Variants in ANKRD45 observed in about 807,000 individuals in gnomAD.
The protein encoded by ANKRD45 is ankyrin repeat domain 45.
A neutral mutation model predicts 28.1 loss-of-function variants in ANKRD45; 21 were observed. The observed-to-expected ratio is 0.75, with a 90% CI of 0.53 to 1.08. The LOEUF (loss-of-function observed/expected upper bound fraction) is 1.08. ANKRD45 is among the 50% of genes least tolerant of loss of function. The probability of loss-of-function intolerance (pLI) is 0.00; values close to 1 mark genes in which losing one functional copy is unlikely to be tolerated. For missense variants in ANKRD45, 261 were observed against 308.7 expected (o/e 0.85, Z 1.16); for synonymous variants, 86 against 103.9 (o/e 0.83, Z 1.05).
the ANKRD45 span, among the ~76,000 whole-genome samples, chr1:173,710,043 C>T: frequency 5.3e-5 from 8 of 152,224 alleles, no homozygotes; most frequent in African/African-American, 1.4e-4. Context: ...AATAAAAATT[C>T]GCTGGGTGTG....
At chr1:173,651,161 C>A (rs556205728) in intron 2 of ANKRD45, among the ~76,000 whole-genome samples, 12 of 152,218 alleles carry the variant, frequency 7.9e-5, no homozygotes, top group African/African-American at 2.9e-4. Context: ...TCATGAAGTC[C>A]TTGCCCATGC....
the ANKRD45 span, among the ~76,000 whole-genome samples, chr1:173,701,712 T>C: frequency 5.9e-5 from 9 of 152,110 alleles, no homozygotes; most frequent in African/African-American, 2.2e-4. Flanking sequence ...GAGAAATACC[T>C]AATGTAAATG....
intron 5 of ANKRD45, among the ~76,000 whole-genome samples, chr1:173,615,911 G>A (rs940714432): frequency 1.3e-5 from 2 of 152,054 alleles, no homozygotes; most frequent in African/African-American, 4.8e-5. Flanking sequence ...AGACCATCCT[G>A]GCTAACATGG....
Position 173,627,307 on chromosome 1 carries a change from C to T in ANKRD45, c.497-148G>A, listed in dbSNP as rs193239661. The T allele has an allele frequency of 2.8e-5, 17 of 614,248 alleles. No homozygotes were observed. In the Admixed American group the frequency reaches 4.7e-4, roughly 17 times the overall value. The allele number at this position is 614,248 out of a possible 1,614,324, so 38.0% of individuals were successfully genotyped here. On this transcript the variant is annotated intron_variant, in intron 3 of 5. Coordinates refer to ENST00000333279, the MANE Select transcript of ANKRD45 (RefSeq NM_198493.3). ...ATACAAAAAAGCACCAACATGAGAACCAAAAATCAGGTAAGCAATCACAGT... is the reference window on the plus strand; with the variant it reads ...ATACAAAAAAGCACCAACATGAGAATCAAAAATCAGGTAAGCAATCACAGT...
chr1:173,697,019 T>C, the ANKRD45 span, among the ~76,000 whole-genome samples: 1 of 152,274 alleles, frequency 6.6e-6, no homozygotes, highest in African/African-American at 2.4e-5. Flanking sequence ...ATGTGATGCA[T>C]GCATAAGCTT....
chr1:173,669,634 T>C (rs1670176541), intron 1 of ANKRD45, among the ~76,000 whole-genome samples, 183 bp downstream of exon 1: 1 of 152,176 alleles, frequency 6.6e-6, no homozygotes, highest in Admixed American at 6.5e-5. Context: ...CCCTTGCGGC[T>C]GCCGGCGGGG....
At chr1:173,656,590 A>T (rs1669526012) in intron 2 of ANKRD45, among the ~76,000 whole-genome samples, 1 of 152,204 alleles carries the variant, frequency 6.6e-6, no homozygotes, top group South Asian at 2.1e-4. Context: ...CGACATGGCC[A>T]GTTTCAACAG....
intron 3 of ANKRD45, among the ~76,000 whole-genome samples, chr1:173,633,008 G>T (rs924487394): frequency 6.6e-6 from 1 of 151,866 alleles, no homozygotes; most frequent in African/African-American, 2.4e-5. Flanking sequence ...AGAGCAATCA[G>T]AGAAGAAAAT....
At chr1:173,689,375 G>GT in the ANKRD45 span, among the ~76,000 whole-genome samples, 1 of 152,158 alleles carries the variant, frequency 6.6e-6, no homozygotes, top group African/African-American at 2.4e-5. Context: ...ACGTACCTGG[G>GT]TTTGGAGCCA....
rs150591784 is a variant in ANKRD45, at chr1:173,629,415, A to T, written c.497-2256T>A. Among the ~76,000 whole-genome samples the T allele has an allele frequency of 3.3e-3, 505 of 152,316 alleles. 3 individuals are homozygous for T. Among genetic ancestry groups the T allele is most frequent in the Middle Eastern group, 0.01 (3 of 294 alleles). ...CAAAGAAATTCAAGATAACACAGAG[A>T]AAGAATTCAGAATCCTATCAGATAA... On this transcript the variant is annotated intron_variant, in intron 3 of 5. Transcript: ENST00000333279.
At chr1:173,669,644 G>A (rs964436572) in intron 1 of ANKRD45, among the ~76,000 whole-genome samples, 173 bp downstream of exon 1, 4 of 152,300 alleles carry the variant, frequency 2.6e-5, no homozygotes, top group Non-Finnish European at 5.9e-5. Flanking sequence ...TGCCGGCGGG[G>A]TAGGAGACCG....
the ANKRD45 span, among the ~76,000 whole-genome samples, chr1:173,688,669 CCTCTCTCTCTTTCTGCCTCTTTCCTCT>C: frequency 9.9e-5 from 14 of 140,906 alleles, no homozygotes; most frequent in Admixed American, 5.5e-4. Flanking sequence ...CTGCCTCTTT[CCTCTCTCTCTTTCTGCCTCTTTCCTCT>C]CTCTCTTTCT....
At chr1:173,630,080 A>G (rs1380149870) in intron 3 of ANKRD45, among the ~76,000 whole-genome samples, 3 of 152,200 alleles carry the variant, frequency 2.0e-5, no homozygotes, top group Non-Finnish European at 4.4e-5. Context: ...TCCTTCAAAC[A>G]CATCAGAGAA....
chr1:173,610,264 A>C, intron 5 of ANKRD45, 49 bp from the exon 6 acceptor site: 1 of 1,547,504 alleles, frequency 6.5e-7, no homozygotes, highest in Non-Finnish European at 8.9e-7. Flanking sequence ...TTGCAATATG[A>C]AACAAAATGA....
At chr1:173,653,115 T>A (rs566024254) in intron 2 of ANKRD45, among the ~76,000 whole-genome samples, 2 of 152,336 alleles carry the variant, frequency 1.3e-5, no homozygotes, top group East Asian at 3.9e-4. Flanking sequence ...TGCTCTGACC[T>A]TAGTTATTTC....
the ANKRD45 span, among the ~76,000 whole-genome samples, chr1:173,691,824 T>C: frequency 1.3e-5 from 2 of 152,204 alleles, no homozygotes; most frequent in African/African-American, 2.4e-5. Context: ...TGTGCACCCT[T>C]ACAGATGGAG....
chr1:173,641,986 T>C (rs538121662), intron 3 of ANKRD45, among the ~76,000 whole-genome samples: 1 of 152,096 alleles, frequency 6.6e-6, no homozygotes, highest in Non-Finnish European at 1.5e-5. Flanking sequence ...CCTGGAAAAA[T>C]AGAATAGCCT....
chr1:173,710,142 T>C, the ANKRD45 span, among the ~76,000 whole-genome samples: 1 of 152,056 alleles, frequency 6.6e-6, no homozygotes, highest in East Asian at 1.9e-4. Context: ...CTGGGCTACA[T>C]AGTGAGAACT....
chr1:173,706,625 C>T, the ANKRD45 span, among the ~76,000 whole-genome samples: 1 of 152,088 alleles, frequency 6.6e-6, no homozygotes, highest in Non-Finnish European at 1.5e-5. Context: ...AGGCATGAGC[C>T]ACCCCACCCA....
Sources: allele counts gnomAD v4.1 joint callset (sites outside exome capture counted in the v4.1 genomes callset), GRCh38; gene constraint gnomAD v4.1.1; transcripts MANE v1.5; gene names NCBI Gene and HGNC (gene_info 2026-07-23, HGNC 2026-07-21).